Variants in MYBPC1 observed in about 807,000 individuals in gnomAD.
The protein encoded by MYBPC1 is myosin-binding protein C, slow-type.
In MYBPC1, 52 loss-of-function variants were observed where a neutral mutation model predicts 147.1. The ratio of observed to expected loss-of-function variants is 0.35; its 90% CI spans 0.28 to 0.45. The LOEUF (loss-of-function observed/expected upper bound fraction) is 0.45. MYBPC1 is among the 20% of genes least tolerant of loss of function. MYBPC1 has a pLI of 1.00. For missense variants in MYBPC1, 1,228 were observed against 1,440.3 expected, an observed-to-expected ratio of 0.85 and a Z score of 2.39; for synonymous variants, 477 against 475.9, an observed-to-expected ratio of 1.00 and a Z score of -0.03.
intron 26 of MYBPC1, among the ~76,000 whole-genome samples, chr12:101,675,692 T>C (rs1899803190): frequency 6.6e-6 from 1 of 152,214 alleles, no homozygotes; most frequent in Admixed American, 6.5e-5. Flanking sequence ...ATCTATGTAA[T>C]GGGGGCACAA....
In MYBPC1 at chr12:101,681,642, T is replaced by C. The variant is rs1432101829; in HGVS notation, c.3434-962T>C. ...TTTTTTTTTTGAGACAAGGTCTTGCTCTGTCACCCAGGCTGGAGTGGAAGG... is the reference window on the plus strand; with the variant it reads ...TTTTTTTTTTGAGACAAGGTCTTGCCCTGTCACCCAGGCTGGAGTGGAAGG... On this transcript the variant is annotated intron_variant, in intron 29 of 31. Transcript: ENST00000361466. Among the ~76,000 whole-genome samples, 31 of 125,676 alleles carry C rather than the reference T, an allele frequency of 2.5e-4. No homozygotes were observed. The Admixed American group carries it at 2.7e-3, about 11-fold the overall frequency. 82.4% of individuals were successfully genotyped at this position (125,676 alleles called of 152,430 possible). A position where few individuals can be genotyped will look rare whatever the true frequency, so the allele number is the denominator to read the frequency against.
At chr12:101,684,864 C>T (rs1193870691) in intron 31 of MYBPC1, among the ~76,000 whole-genome samples, 4 of 152,074 alleles carry the variant, frequency 2.6e-5, no homozygotes, top group South Asian at 2.1e-4. Context: ...TTTGTCTGGA[C>T]GTGAATTTAT....
intron 11 of MYBPC1, among the ~76,000 whole-genome samples, chr12:101,643,209 G>T (rs951793501): frequency 6.6e-6 from 1 of 151,922 alleles, no homozygotes; most frequent in African/African-American, 2.4e-5. Flanking sequence ...TTATTATTTT[G>T]TTAATGTTCC....
At chr12:101,602,251 G>A (rs1727078) in intron 1 of MYBPC1, among the ~76,000 whole-genome samples, 18,916 of 152,176 alleles carry the variant, frequency 0.12, 1,582 homozygotes, top group East Asian at 0.31. Flanking sequence ...GTCTTGCTCT[G>A]TCGCCCAGGT....
intron 10 of MYBPC1, 70 bp downstream of exon 10, chr12:101,636,798 A>G (rs1260500406): frequency 2.4e-6 from 3 of 1,264,972 alleles, no homozygotes; most frequent in Non-Finnish European, 2.3e-6. Context: ...AGAGAAGTCA[A>G]GTTTAAAGTG....
chr12:101,674,360 T>A (rs1360319329), intron 25 of MYBPC1, among the ~76,000 whole-genome samples: 1 of 152,192 alleles, frequency 6.6e-6, no homozygotes, highest in East Asian at 1.9e-4. Flanking sequence ...ATGAAGAATT[T>A]TTTTTAATAT....
At chr12:101,629,789 C>T (rs1466865227) in intron 6 of MYBPC1, among the ~76,000 whole-genome samples, 1 of 151,926 alleles carries the variant, frequency 6.6e-6, no homozygotes, top group East Asian at 1.9e-4. Flanking sequence ...AGGAGAATCG[C>T]TTGAACCCAC....
intron 31 of MYBPC1, among the ~76,000 whole-genome samples, chr12:101,685,055 T>C (rs1460047650): frequency 1.3e-5 from 2 of 152,220 alleles, no homozygotes; most frequent in Non-Finnish European, 2.9e-5. Context: ...ATTATAATTT[T>C]AACAAAATAT....
intron 3 of MYBPC1, among the ~76,000 whole-genome samples, chr12:101,620,941 G>T (rs1887228527): frequency 6.6e-6 from 1 of 152,086 alleles, no homozygotes; most frequent in Admixed American, 6.6e-5. Flanking sequence ...AATGAACCCT[G>T]TGTGTATTAA....
chr12:101,637,145 A>C, intron 10 of MYBPC1: 1 of 89,404 alleles, frequency 1.1e-5, no homozygotes, highest in Non-Finnish European at 2.3e-5. Flanking sequence ...CTAAGACACC[A>C]CTGCTATTAA....
At chr12:101,634,667 C>T in intron 9 of MYBPC1, 62 bp downstream of exon 9, 1 of 1,323,752 alleles carries the variant, frequency 7.6e-7, no homozygotes, top group Non-Finnish European at 1.1e-6. Flanking sequence ...GATTTTCAAA[C>T]ACATTTCCTT....
chr12:101,695,757 C>G, the MYBPC1 span, among the ~76,000 whole-genome samples: 1 of 152,138 alleles, frequency 6.6e-6, no homozygotes, highest in Non-Finnish European at 1.5e-5. Context: ...TTCCTGATGA[C>G]CATGGAAACA....
chr12:101,642,509 C>T lies in MYBPC1; in HGVS notation c.756C>T (p.Phe252=), dbSNP rs745589795. 125 of 1,613,712 alleles carry T rather than the reference C, an allele frequency of 7.7e-5. No individual in the cohort carries two copies. Among genetic ancestry groups the T allele is most frequent in the Non-Finnish European group, 1.0e-4 (120 of 1,179,908 alleles). The part of the protein sequence containing the change: ...AKPSEYEKIA[F]QYGITDLRGM... Reference sequence around the variant, plus strand: ...CCAGTGAGTACGAGAAGATCGCCTTCCAGTATGGAATCACCGACCTGCGCG... The same window carrying T: ...CCAGTGAGTACGAGAAGATCGCCTTTCAGTATGGAATCACCGACCTGCGCG... The change falls in exon 11 of 32, where the codon TTC becomes TTT. Residue 252 remains phenylalanine (F), a synonymous_variant. Coordinates refer to ENST00000361466, the MANE Select transcript of MYBPC1 (RefSeq NM_002465.4).
chr12:101,633,368 G>A (rs769631521), intron 8 of MYBPC1, among the ~76,000 whole-genome samples: 1 of 152,146 alleles, frequency 6.6e-6, no homozygotes, highest in Non-Finnish European at 1.5e-5. Context: ...AGGTGGAAAT[G>A]ATGAGGAGGT....
intron 15 of MYBPC1, chr12:101,650,979 C>A (rs1338047951): frequency 2.1e-6 from 1 of 475,790 alleles, no homozygotes; most frequent in East Asian, 4.1e-5. Flanking sequence ...TGTGAGTCTG[C>A]AGATTTTGTG....
At chr12:101,598,660 G>A (rs1878512025) in intron 1 of MYBPC1, among the ~76,000 whole-genome samples, 1 of 152,054 alleles carries the variant, frequency 6.6e-6, no homozygotes. Context: ...TGCAAACTCT[G>A]CCTCCCAGGC....
chr12:101,630,175 A>G (rs1359271277), intron 6 of MYBPC1, among the ~76,000 whole-genome samples: 3 of 152,240 alleles, frequency 2.0e-5, no homozygotes, highest in Non-Finnish European at 4.4e-5. Flanking sequence ...TCTTTCACTT[A>G]GCATAATGTT....
chr12:101,626,904 C>T lies in MYBPC1; in HGVS notation c.136C>T (p.Pro46Ser), dbSNP rs889791481. Residue 46 changes from proline (P) to serine (S), a missense_variant, in exon 4 of 32, where the codon CCT becomes TCT. Transcript: ENST00000361466. ...EEEVSPPSAL[P>S]PGLGSRALER... ...GGAAGTCTCCCCGCCTAGCGCCTTG[C>T]CTCCAGGTTGGGATAATTTCTACCC... 1.2e-6 allele frequency: 2 copies of T among 1,611,710 alleles called. No homozygotes were observed. Among genetic ancestry groups the T allele is most frequent in the South Asian group, 1.1e-5 (1 of 91,042 alleles).
At position 101,667,754 on chromosome 12, in the gene MYBPC1, C is replaced by T; in HGVS notation, c.2379C>T (p.Asn793=). ...CAGCTGAGGACTGGATAGTTGCAAA[C>T]AAAGATCTGATTGACAAGACGAAGT... ...FEGTEDWIVA[N]KDLIDKTKFT... The change falls in exon 23 of 32, where the codon AAC becomes AAT. Residue 793 remains asparagine, a synonymous_variant. Coordinates refer to ENST00000361466, the MANE Select transcript of MYBPC1 (RefSeq NM_002465.4). The T allele has an allele frequency of 6.2e-7, 1 of 1,614,094 alleles. No individual in the cohort carries two copies. Among genetic ancestry groups the T allele is most frequent in the East Asian group, 2.2e-5 (1 of 44,882 alleles).
Sources: gnomAD v4.1 joint callset for allele counts (sites outside exome capture counted in the v4.1 genomes callset) on GRCh38, gnomAD v4.1.1 for gene constraint, MANE v1.5 for transcripts, NCBI Gene and HGNC (gene_info 2026-07-23, HGNC 2026-07-21) for gene names.